COL12A1: variants seen among roughly 807,000 people sequenced by gnomAD.
COL12A1 encodes the protein collagen alpha-1(XII) chain.
In COL12A1, 114 loss-of-function variants were observed where a neutral mutation model predicts 349.7. The observed-to-expected ratio is 0.33, with a 90% CI of 0.28 to 0.38. The LOEUF (loss-of-function observed/expected upper bound fraction) is 0.38, where lower values mean the gene tolerates loss of function less well. COL12A1 is among the 10% of genes least tolerant of loss of function. The pLI, the probability that COL12A1 is intolerant of heterozygous loss-of-function variation, is 1.00. For missense variants in COL12A1, 3,284 were observed against 3,756.9 expected (o/e 0.87, Z 3.29); for synonymous variants, 1,369 against 1,329.0 (o/e 1.03, Z -0.66).
chr6:75,086,370 C>G lies in COL12A1; in HGVS notation c.*177G>C. 2.8e-6 allele frequency: 1 copy of G among 361,294 alleles called. No individual in the cohort carries two copies. 22.4% of individuals were successfully genotyped at this position (361,294 alleles called of 1,614,324 possible). A position where few individuals can be genotyped will look rare whatever the true frequency, so the allele number is the denominator to read the frequency against. The stretch of plus-strand genomic sequence containing the variant: ...CTGACACCACTGCTTTTGTCTCATT[C>G]AAGTTAGTAAAAAGAGTCTCCACCC... On this transcript the variant is annotated 3_prime_UTR_variant, in exon 66 of 66. Transcript: ENST00000322507.
chr6:75,103,969 G>A (rs1035276589), intron 54 of COL12A1, among the ~76,000 whole-genome samples, 159 bp from the exon 55 acceptor site: 4 of 152,132 alleles, frequency 2.6e-5, no homozygotes, highest in Non-Finnish European at 5.9e-5. Context: ...ACAAATATGC[G>A]AGGCAAGAGA....
chr6:75,157,857 C>A (rs1213882725), intron 14 of COL12A1, among the ~76,000 whole-genome samples: 4 of 151,992 alleles, frequency 2.6e-5, no homozygotes, highest in Admixed American at 6.6e-5. Flanking sequence ...TTCCCCCTAC[C>A]CAGAAGAGAA....
rs1463986047 is a variant in COL12A1, at chr6:75,105,261, T to G, written c.8210A>C (p.Asn2737Thr). Residue 2737 changes from asparagine to threonine, a missense_variant, in exon 54 of 66, where the codon AAT (asparagine) becomes ACT (threonine). By Grantham distance (65) the Asn-to-Thr change is moderately conservative (BLOSUM62 0). Coordinates refer to ENST00000322507, the MANE Select transcript of COL12A1 (RefSeq NM_004370.6). ...RDEGKCPAFP[N>T]SCTCTQDSVG... ...GCTGTCCTGTGTACATGTGCAAGAA[T>G]TTGGAAAAGCAGGGCATTTTCCCTC... 6.2e-7 allele frequency: 1 copy of G among 1,613,844 alleles called. No individual in the cohort carries two copies. Among genetic ancestry groups the G allele is most frequent in the East Asian group, 2.2e-5 (1 of 44,874 alleles).
intron 3 of COL12A1, among the ~76,000 whole-genome samples, chr6:75,194,453 G>C (rs1220261858): frequency 6.6e-6 from 1 of 152,048 alleles, no homozygotes; most frequent in South Asian, 2.1e-4. Context: ...ACTGGGTAAG[G>C]TGTAACAACT....
At position 75,124,287 on chromosome 6, in the gene COL12A1, G is replaced by A. The variant is rs1257364285; in HGVS notation, c.6692C>T (p.Thr2231Ile). The change falls in exon 41 of 66, where the codon ACC becomes ATC. Residue 2231 changes from threonine to isoleucine, a missense_variant. Around this residue, in one of 2 missense-constraint regions of COL12A1, gnomAD observed 2,601 missense variants for 2,824.8 expected, o/e 0.92. Coordinates refer to ENST00000322507, the MANE Select transcript of COL12A1 (RefSeq NM_004370.6). ...AGGGCTTAGTTTTAGCCTGTAGGAGGTGGCTGCCCGGTGAGGTGACCATTT... is the reference window on the plus strand; with the variant it reads ...AGGGCTTAGTTTTAGCCTGTAGGAGATGGCTGCCCGGTGAGGTGACCATTT... ...CVKWSPHRAA[T>I]SYRLKLSPAD... 2 of 1,613,770 alleles carry A rather than the reference G, an allele frequency of 1.2e-6. No homozygotes were observed. Among genetic ancestry groups the A allele is most frequent in the Admixed American group, 1.7e-5 (1 of 59,986 alleles).
Position 75,162,675 on chromosome 6 carries a change from C to T in COL12A1, c.2983+2832G>A, listed in dbSNP as rs1009139802. ...AATAGACAAATGGAATCTGATTAAA[C>T]TAAAGAGCTTCTGCACAGCAAAAGA... On this transcript the variant is annotated intron_variant, in intron 14 of 65. Coordinates refer to ENST00000322507, the MANE Select transcript of COL12A1 (RefSeq NM_004370.6). Among the ~76,000 whole-genome samples, 3 of 152,284 alleles carry T rather than the reference C, an allele frequency of 2.0e-5. No individual in the cohort carries two copies. The East Asian group carries it at 5.8e-4, about 29-fold the overall frequency.
At chr6:75,183,707 T>C (rs1254891757) in intron 9 of COL12A1, 55 bp from the exon 10 acceptor site, 1 of 1,542,762 alleles carries the variant, frequency 6.5e-7, no homozygotes, top group South Asian at 1.3e-5. Context: ...CATTAAAATA[T>C]ACATATCTAG....
At chr6:75,198,155 A>C (rs1463167519) in intron 2 of COL12A1, among the ~76,000 whole-genome samples, 1 of 152,232 alleles carries the variant, frequency 6.6e-6, no homozygotes, top group African/African-American at 2.4e-5. Flanking sequence ...AAGTAGAAGA[A>C]ATATTTCCAT....
intron 8 of COL12A1, 43 bp downstream of exon 8, chr6:75,188,314 AACAAT>A: frequency 6.5e-7 from 1 of 1,540,318 alleles, no homozygotes; most frequent in Non-Finnish European, 8.8e-7. Context: ...TAAATACTCA[AACAAT>A]GGAAAAGACT....
intron 13 of COL12A1, among the ~76,000 whole-genome samples, chr6:75,166,376 T>G (rs545588): frequency 2.0e-5 from 3 of 152,058 alleles, no homozygotes; most frequent in Admixed American, 6.6e-5. Context: ...CCTAACAAAA[T>G]TGAAAACAAC....
intron 14 of COL12A1, among the ~76,000 whole-genome samples, chr6:75,158,541 T>C (rs1013958943): frequency 6.6e-6 from 1 of 151,972 alleles, no homozygotes; most frequent in Non-Finnish European, 1.5e-5. Flanking sequence ...CAACACATAA[T>C]AAGAAGAAAA....
At chr6:75,167,876 C>G (rs1582166383) in intron 13 of COL12A1, among the ~76,000 whole-genome samples, 1 of 152,292 alleles carries the variant, frequency 6.6e-6, no homozygotes, top group East Asian at 1.9e-4. Flanking sequence ...TGAAAATAAT[C>G]TACAACAGCA....
At chr6:75,108,958 G>T in intron 52 of COL12A1, 60 bp downstream of exon 52, 1 of 1,532,126 alleles carries the variant, frequency 6.5e-7, no homozygotes, top group Non-Finnish European at 8.8e-7. Context: ...GAGTTGTTTA[G>T]AAAAATGCCA....
rs148966299 is a variant in COL12A1 at position 75,147,202 on chromosome 6, C to T, written c.4417+473G>A. 2.9e-3 allele frequency among the ~76,000 whole-genome samples: 442 copies of T among 152,324 alleles called. 2 individuals are homozygous for T. Among genetic ancestry groups the T allele is most frequent in the Non-Finnish European group, 5.3e-3 (358 of 68,032 alleles). Reference sequence around the variant, plus strand: ...CGCTGGCCGTTAGTAAAAGTGAAATCGGTATCTCTGTACGCTCTTCTTCCT... The same window carrying T: ...CGCTGGCCGTTAGTAAAAGTGAAATTGGTATCTCTGTACGCTCTTCTTCCT... On this transcript the variant is annotated intron_variant, in intron 23 of 65. Transcript: ENST00000322507.
rs1169695102 is a variant in COL12A1 at position 75,113,603 on chromosome 6, A to G, written c.7839T>C (p.Asp2613=). The change falls in exon 50 of 66, where the codon GAT becomes GAC. Residue 2613 remains aspartate, a splice_region_variant and synonymous_variant. Coordinates refer to ENST00000322507, the MANE Select transcript of COL12A1 (RefSeq NM_004370.6). ...GTGCCTTAAGATAAAAATTCTTACG[A>G]TCTGCAATCACTCCAACTTGTGGTT... ...DYKPQVGVIA[D]PSSKTLSFFN... 1 of 1,604,116 alleles carries G rather than the reference A, an allele frequency of 6.2e-7. No individual in the cohort carries two copies. The highest frequency in any genetic ancestry group is 1.7e-4 in the Middle Eastern group (1 of 6,016).
chr6:75,119,886 T>C (rs555196987), intron 44 of COL12A1, among the ~76,000 whole-genome samples: 34 of 152,140 alleles, frequency 2.2e-4, no homozygotes, highest in Admixed American at 4.6e-4. Context: ...TTTATGGCAA[T>C]ACAGAAATGT....
Position 75,086,216 on chromosome 6 carries a change from A to G in COL12A1, c.*331T>C, listed in dbSNP as rs193137416. ...GGTTAATTGTTTTTCTTAAAATGGC[A>G]TAGACTCCTCTGGTTAGTAGTTTTA... is the stretch of plus-strand genomic sequence containing the variant. On this transcript the variant is annotated 3_prime_UTR_variant, in exon 66 of 66. Transcript: ENST00000322507. 5.4e-4 allele frequency: 89 copies of G among 165,684 alleles called. No homozygotes were observed. Among genetic ancestry groups the G allele is most frequent in the Non-Finnish European group, 9.7e-4 (74 of 76,646 alleles). 10.3% of individuals were successfully genotyped at this position (165,684 alleles called of 1,614,324 possible).
chr6:75,161,698 A>C (rs1227849788), intron 14 of COL12A1, among the ~76,000 whole-genome samples: 1 of 152,232 alleles, frequency 6.6e-6, no homozygotes, highest in East Asian at 1.9e-4. Context: ...TTCAATTAGG[A>C]AAAGAGGAAG....
chr6:75,155,637 T>G, intron 16 of COL12A1, 25 bp downstream of exon 16: 1 of 1,581,124 alleles, frequency 6.3e-7, no homozygotes, highest in South Asian at 1.2e-5. Context: ...TTTCATCCTT[T>G]GATACAAACG....
Sources: gnomAD v4.1 joint callset for allele counts (sites outside exome capture counted in the v4.1 genomes callset) on GRCh38, gnomAD v4.1.1 for gene constraint, gnomAD v4.1.1 regional missense constraint, MANE v1.5 for transcripts, NCBI Gene and HGNC (gene_info 2026-07-23, HGNC 2026-07-21) for gene names.